SKI: variants seen among roughly 807,000 people sequenced by gnomAD.
SKI encodes ski oncogene.
A neutral mutation model predicts 59.3 loss-of-function variants in SKI; 23 were observed. The observed-to-expected ratio is 0.39, with a 90% CI of 0.28 to 0.55. SKI has a LOEUF of 0.55. SKI is among the 20% of genes least tolerant of loss of function. SKI has a pLI of 0.67. For missense variants in SKI, 1,017 were observed against 1,038.9 expected (o/e 0.98, Z 0.29); for synonymous variants, 673 against 488.6 (o/e 1.38, Z -4.98).
intron 1 of SKI, among the ~76,000 whole-genome samples, chr1:2,258,139 G>A (rs1197446974): frequency 2.0e-5 from 3 of 152,182 alleles, no homozygotes; most frequent in South Asian, 4.1e-4. Context: ...GATTATTTGC[G>A]ACTTTAACCA....
intron 1 of SKI, among the ~76,000 whole-genome samples, chr1:2,253,650 A>G (rs1036370827): frequency 1.3e-5 from 2 of 152,200 alleles, no homozygotes; most frequent in African/African-American, 4.8e-5. Context: ...AATGAGCCAC[A>G]TGCCCCCAGT....
chr1:2,303,906 G>C lies in SKI; in HGVS notation c.1278G>C (p.Gln426His). Residue 426 changes from glutamine (Q) to histidine (H), a missense_variant, in exon 4 of 7, where the codon CAG becomes CAC. Transcript: ENST00000378536. This position sits in a 1 kb window ranked among gnomAD's most constrained non-coding sequence, Gnocchi z 5.6. ...ACGTGGCCCTCGCACCGCCGGCCCA[G>C]CAGAAGGTTGTGAGCAGCCCTCCGT... is the stretch of plus-strand genomic sequence containing the variant. ...APNVALAPPAQQKVVSSPPCA... is the reference protein window; with the variant it reads ...APNVALAPPAHQKVVSSPPCA... The C allele has an allele frequency of 1.2e-6, 2 of 1,612,292 alleles. No individual in the cohort carries two copies. The highest frequency in any genetic ancestry group is 1.7e-6 in the Non-Finnish European group (2 of 1,179,790).
rs189788340 is a variant in SKI at position 2,285,976 on chromosome 1, C to T, written c.970-17002C>T. 8.8e-3 allele frequency among the ~76,000 whole-genome samples: 1,335 copies of T among 150,858 alleles called. 15 individuals are homozygous for T. Among genetic ancestry groups the T allele is most frequent in the South Asian group, 0.036 (170 of 4,764 alleles). ...GCAAGCTCTGCCTCCCCGGTTCACG[C>T]CATTCTCCTGCCTCAGCCTCCCGAG... On this transcript the variant is annotated intron_variant, in intron 1 of 6. Coordinates refer to ENST00000378536, the MANE Select transcript of SKI (RefSeq NM_003036.4).
At chr1:2,289,087 T>C (rs1185618859) in intron 1 of SKI, among the ~76,000 whole-genome samples, 1 of 152,196 alleles carries the variant, frequency 6.6e-6, no homozygotes, top group Non-Finnish European at 1.5e-5. Flanking sequence ...AAGGTCATGT[T>C]CTGCAGGAGA....
intron 1 of SKI, among the ~76,000 whole-genome samples, chr1:2,284,384 A>G (rs1404029697): frequency 1.3e-5 from 2 of 152,186 alleles, no homozygotes; most frequent in East Asian, 1.9e-4. Context: ...TCAGCACAGT[A>G]GAGGCGGAGC....
At position 2,272,162 on chromosome 1, in the gene SKI, C is replaced by G. The variant is rs1490220621; in HGVS notation, c.970-30816C>G. ...TTGCTGTCTCTTACGTTCTCACGAC[C>G]TCTTGCCCTCTGCACAGATGGGCGG... is the stretch of plus-strand genomic sequence containing the variant. On this transcript the variant is annotated intron_variant, in intron 1 of 6. Transcript: ENST00000378536. Among the ~76,000 whole-genome samples, 30 of 152,250 alleles carry G rather than the reference C, an allele frequency of 2.0e-4. 1 individual carries two copies. Among genetic ancestry groups the G allele is most frequent in the Admixed American group, 2.0e-3 (30 of 15,288 alleles).
chr1:2,302,527 GTGGC>G (rs1640450476), intron 1 of SKI, among the ~76,000 whole-genome samples: 1 of 152,116 alleles, frequency 6.6e-6, no homozygotes, highest in Non-Finnish European at 1.5e-5. Flanking sequence ...TCGCCGTGCT[GTGGC>G]TGGTTGAGCT....
intron 1 of SKI, among the ~76,000 whole-genome samples, chr1:2,262,840 C>T (rs934872755): frequency 1.3e-5 from 2 of 152,110 alleles, no homozygotes; most frequent in Non-Finnish European, 2.9e-5. Context: ...TTGTTCATTC[C>T]TGGGATAGCC....
At chr1:2,277,680 T>C (rs1414431160) in intron 1 of SKI, among the ~76,000 whole-genome samples, 1 of 130,456 alleles carries the variant, frequency 7.7e-6, no homozygotes, top group Non-Finnish European at 1.6e-5. Context: ...ACTCACACAT[T>C]CATCAGGACC....
At chr1:2,294,797 C>G (rs566654287) in intron 1 of SKI, among the ~76,000 whole-genome samples, 4 of 152,362 alleles carry the variant, frequency 2.6e-5, no homozygotes, top group East Asian at 3.9e-4. Context: ...GTCTGCCAGT[C>G]TCCTGGCACC....
chr1:2,242,066 T>TGG (rs1162912895), intron 1 of SKI, among the ~76,000 whole-genome samples: 1 of 152,160 alleles, frequency 6.6e-6, no homozygotes, highest in Non-Finnish European at 1.5e-5. Context: ...AATATCTTGT[T>TGG]GGGAGGCAGC....
intron 1 of SKI, among the ~76,000 whole-genome samples, chr1:2,296,045 A>G (rs1383110205): frequency 1.3e-5 from 2 of 152,138 alleles, no homozygotes; most frequent in Non-Finnish European, 2.9e-5. Flanking sequence ...TTAGCAATGC[A>G]TAGGGGTTCC....
At chr1:2,251,916 T>C (rs1639159866) in intron 1 of SKI, among the ~76,000 whole-genome samples, 1 of 152,196 alleles carries the variant, frequency 6.6e-6, no homozygotes, top group Non-Finnish European at 1.5e-5. Flanking sequence ...TGAACCGGCT[T>C]ATCTGGCCTC....
chr1:2,266,457 T>C (rs1326986591), intron 1 of SKI, among the ~76,000 whole-genome samples: 1 of 152,166 alleles, frequency 6.6e-6, no homozygotes, highest in Non-Finnish European at 1.5e-5. Context: ...GGGCCCTGCC[T>C]GGGTCCTGCT....
At chr1:2,300,788 A>C (rs1417239980) in intron 1 of SKI, among the ~76,000 whole-genome samples, 2 of 152,148 alleles carry the variant, frequency 1.3e-5, no homozygotes, top group African/African-American at 4.8e-5. Flanking sequence ...GAAGACCAGG[A>C]GCGTCCCTGG....
chr1:2,262,221 A>G (rs1398716522), intron 1 of SKI, among the ~76,000 whole-genome samples: 554 of 75,602 alleles, frequency 7.3e-3, no homozygotes, highest in Middle Eastern at 0.027. Flanking sequence ...CAGAGTTTGG[A>G]TGGGAGTGGT....
chr1:2,306,598 C>T lies in SKI; in HGVS notation c.2020C>T (p.Leu674=). 6.5e-7 allele frequency: 1 copy of T among 1,543,590 alleles called. No individual in the cohort carries two copies. Among genetic ancestry groups the T allele is most frequent in the Non-Finnish European group, 8.7e-7 (1 of 1,145,546 alleles). ...TCAGATCGAAGACCTGCAGGTGAAG[C>T]TGCAGCACGCGGAGGCGGACCGGGA... ...SAQIEDLQVK[L]QHAEADREQL... Residue 674 remains leucine, a synonymous_variant, in exon 7 of 7, where the codon CTG becomes TTG. Coordinates refer to ENST00000378536, the MANE Select transcript of SKI (RefSeq NM_003036.4).
chr1:2,250,731 G>A (rs1328505882), intron 1 of SKI, among the ~76,000 whole-genome samples: 4 of 152,236 alleles, frequency 2.6e-5, no homozygotes, highest in East Asian at 1.9e-4. Context: ...CCCTGGCCAC[G>A]CTCTGCCGTG....
At chr1:2,231,185 G>A (rs1638629770) in intron 1 of SKI, among the ~76,000 whole-genome samples, 2 of 152,070 alleles carry the variant, frequency 1.3e-5, no homozygotes, top group South Asian at 2.1e-4. Context: ...TGGGGTGGCC[G>A]CACCCTCGTC....
Sources: allele counts gnomAD v4.1 joint callset (sites outside exome capture counted in the v4.1 genomes callset), GRCh38; gene constraint gnomAD v4.1.1; non-coding constraint Gnocchi (gnomAD v3.1); transcripts MANE v1.5; gene names NCBI Gene and HGNC (gene_info 2026-07-23, HGNC 2026-07-21).